NCKAP5: variants seen among roughly 807,000 people sequenced by gnomAD.
The protein encoded by NCKAP5 is NCK associated protein 5.
NCKAP5 carries 92 observed loss-of-function variants against 167.0 expected under a neutral mutation model. The observed-to-expected ratio is 0.55, with a 90% CI of 0.47 to 0.66. NCKAP5 has a LOEUF of 0.66. Among genes scored for constraint, NCKAP5 ranks in the 30% least tolerant of loss-of-function variants. The pLI, the probability that NCKAP5 is intolerant of heterozygous loss-of-function variation, is 0.00. For missense variants in NCKAP5, 2,378 were observed against 2,315.0 expected, an observed-to-expected ratio of 1.03 and a Z score of -0.56; for synonymous variants, 891 against 877.4, an observed-to-expected ratio of 1.02 and a Z score of -0.27.
At chr2:133,240,853 C>A (rs548116280) in intron 4 of NCKAP5, among the ~76,000 whole-genome samples, 1 of 152,304 alleles carries the variant, frequency 6.6e-6, no homozygotes, top group South Asian at 2.1e-4. Context: ...CCTCTATTTT[C>A]ATTCAGGATA....
chr2:133,130,950 A>G (rs890460295), intron 5 of NCKAP5, among the ~76,000 whole-genome samples: 3 of 152,216 alleles, frequency 2.0e-5, no homozygotes, highest in Non-Finnish European at 4.4e-5. Flanking sequence ...ACACTCTATG[A>G]TGAAAACTAT....
chr2:133,517,754 G>A (rs1361871212), intron 2 of NCKAP5, among the ~76,000 whole-genome samples, 167 bp from the exon 3 acceptor site: 1 of 152,186 alleles, frequency 6.6e-6, no homozygotes, highest in Non-Finnish European at 1.5e-5. Flanking sequence ...TGTTACAAAT[G>A]TCAGAGTTGT....
intron 4 of NCKAP5, among the ~76,000 whole-genome samples, chr2:133,270,435 T>G (rs1452349383): frequency 6.6e-6 from 1 of 152,164 alleles, no homozygotes; most frequent in East Asian, 1.9e-4. Flanking sequence ...AAATAACTGA[T>G]GTAAATAAAG....
At position 133,040,079 on chromosome 2, in the gene NCKAP5, A is replaced by G. The variant is rs551026948; in HGVS notation, c.342-45840T>C. On this transcript the variant is annotated intron_variant, in intron 6 of 19. Transcript: ENST00000409261. Reference sequence around the variant, plus strand: ...TAACATCCTAAACATTTACAGAGGGAAGTATTTAAACTCCTTTATTCATTC... The same window carrying G: ...TAACATCCTAAACATTTACAGAGGGGAGTATTTAAACTCCTTTATTCATTC... 3.5e-3 allele frequency among the ~76,000 whole-genome samples: 529 copies of G among 152,104 alleles called. 2 individuals are homozygous for G. The highest frequency in any genetic ancestry group is 5.9e-3 in the Non-Finnish European group (403 of 67,990).
chr2:133,219,812 T>C (rs751455057), intron 4 of NCKAP5, among the ~76,000 whole-genome samples: 2 of 152,176 alleles, frequency 1.3e-5, no homozygotes, highest in African/African-American at 2.4e-5. Context: ...CTTGACATGG[T>C]AAAAACTTCT....
intron 6 of NCKAP5, among the ~76,000 whole-genome samples, chr2:133,033,725 G>T (rs1429499983): frequency 1.3e-5 from 2 of 151,966 alleles, no homozygotes; most frequent in Non-Finnish European, 2.9e-5. Context: ...TTAGCATACT[G>T]AAGAACACAT....
chr2:132,786,299 C>T (rs747173), intron 13 of NCKAP5, among the ~76,000 whole-genome samples: 48,835 of 151,858 alleles, frequency 0.32, 8,472 homozygotes, highest in East Asian at 0.45. Flanking sequence ...AGAGTGTCTA[C>T]GAGAGGTGCA....
chr2:133,482,965 A>C (rs1036869775), intron 3 of NCKAP5, among the ~76,000 whole-genome samples: 2 of 152,128 alleles, frequency 1.3e-5, no homozygotes, highest in Non-Finnish European at 2.9e-5. Context: ...TTAAACTTAT[A>C]TCTCATTTTT....
chr2:133,028,511 C>T (rs983852826), intron 6 of NCKAP5, among the ~76,000 whole-genome samples: 2 of 152,116 alleles, frequency 1.3e-5, no homozygotes, highest in African/African-American at 4.8e-5. Context: ...ACTCCTCTTG[C>T]TGCATTGCTA....
chr2:133,080,549 A>ACAGAGACC (rs1169057670), intron 6 of NCKAP5, among the ~76,000 whole-genome samples: 1 of 152,184 alleles, frequency 6.6e-6, no homozygotes, highest in East Asian at 1.9e-4. Context: ...AGAGGTGAAT[A>ACAGAGACC]GTTGCAACAG....
At chr2:133,195,839 G>C (rs1336068225) in intron 5 of NCKAP5, among the ~76,000 whole-genome samples, 4 of 152,084 alleles carry the variant, frequency 2.6e-5, no homozygotes, top group Admixed American at 2.0e-4. Flanking sequence ...GTGTATCTCA[G>C]GAAAACATGG....
At chr2:133,228,917 C>T (rs1412498387) in intron 4 of NCKAP5, among the ~76,000 whole-genome samples, 1 of 152,088 alleles carries the variant, frequency 6.6e-6, no homozygotes, top group East Asian at 1.9e-4. Flanking sequence ...TGACAAGTAG[C>T]TGAAATCAAC....
intron 5 of NCKAP5, among the ~76,000 whole-genome samples, chr2:133,203,398 G>A (rs545716374): frequency 6.6e-5 from 10 of 152,146 alleles, no homozygotes; most frequent in Non-Finnish European, 1.0e-4. Flanking sequence ...CATGGGGTGG[G>A]GGAAGCGGGG....
the NCKAP5 span, among the ~76,000 whole-genome samples, chr2:133,611,115 G>A: frequency 2.3e-3 from 220 of 95,792 alleles, no homozygotes; most frequent in South Asian, 0.016. Flanking sequence ...AGCCCCCCAT[G>A]TTAATGCCCG....
intron 9 of NCKAP5, among the ~76,000 whole-genome samples, chr2:132,873,570 T>C (rs1476653363): frequency 1.3e-5 from 2 of 152,188 alleles, no homozygotes; most frequent in South Asian, 4.1e-4. Context: ...AACAATCCTG[T>C]AAGATAGAAA....
chr2:133,286,130 G>A (rs1295405548), intron 4 of NCKAP5, among the ~76,000 whole-genome samples: 1 of 151,886 alleles, frequency 6.6e-6, no homozygotes. Flanking sequence ...TCAGCAGCTG[G>A]GATTACAGGC....
chr2:133,018,683 T>C (rs2078427248), intron 6 of NCKAP5, among the ~76,000 whole-genome samples: 2 of 152,188 alleles, frequency 1.3e-5, no homozygotes, highest in Non-Finnish European at 2.9e-5. Context: ...TATCATTTGT[T>C]TGGGGATCCA....
At chr2:133,506,701 G>C (rs1041794193) in intron 3 of NCKAP5, among the ~76,000 whole-genome samples, 13 of 152,168 alleles carry the variant, frequency 8.5e-5, no homozygotes, top group Non-Finnish European at 2.9e-5. Context: ...GTTTCTAGCT[G>C]CAGGAGGCTC....
At chr2:133,466,728 C>T (rs1692625532) in intron 3 of NCKAP5, among the ~76,000 whole-genome samples, 1 of 152,140 alleles carries the variant, frequency 6.6e-6, no homozygotes, top group East Asian at 1.9e-4. Context: ...TCCTTCACAT[C>T]CCTTGTAAGT....
Sources: allele counts gnomAD v4.1 joint callset (sites outside exome capture counted in the v4.1 genomes callset), GRCh38; gene constraint gnomAD v4.1.1; transcripts MANE v1.5; gene names NCBI Gene and HGNC (gene_info 2026-07-23, HGNC 2026-07-21).